Variants in ABCB7 observed in about 807,000 individuals in gnomAD.
The protein encoded by ABCB7 is ATP binding cassette subfamily B member 7.
A neutral mutation model predicts 54.4 loss-of-function variants in ABCB7; 7 were observed. The observed-to-expected ratio is 0.13, with a 90% CI of 0.07 to 0.24. ABCB7 has a LOEUF of 0.24. Ranked by LOEUF, ABCB7 falls within the 10% of genes least tolerant of loss-of-function variation. The probability of loss-of-function intolerance (pLI) is 1.00; values close to 1 mark genes in which losing one functional copy is unlikely to be tolerated. For synonymous variants in ABCB7, 218 were observed against 207.1 expected, an observed-to-expected ratio of 1.05 and a Z score of -0.45; for missense variants, 356 against 570.4, an observed-to-expected ratio of 0.62 and a Z score of 3.83.
At chrX:75,127,455 C>T (rs1042484629) in intron 1 of ABCB7, among the ~76,000 whole-genome samples, 1 of 111,910 alleles carries the variant, frequency 8.9e-6, no homozygotes, top group African/African-American at 3.2e-5. Context: ...CAATATCATA[C>T]TAAATGGGCA....
At chrX:75,095,621 T>C (rs1391143683) in intron 4 of ABCB7, among the ~76,000 whole-genome samples, 2 of 112,453 alleles carry the variant, frequency 1.8e-5, no homozygotes, top group Non-Finnish European at 3.8e-5. Flanking sequence ...AAAAGAAAAT[T>C]GTTTTCTATA....
chrX:75,094,050 A>ATATATATATATATATC (rs1314153062), intron 4 of ABCB7, among the ~76,000 whole-genome samples: 2 of 20,480 alleles, frequency 9.8e-5, no homozygotes, highest in African/African-American at 1.4e-4. Context: ...ATATATATAT[A>ATATATATATATATATC]TATCTATCTT....
intron 1 of ABCB7, among the ~76,000 whole-genome samples, chrX:75,137,642 A>G (rs2082019750): frequency 8.9e-6 from 1 of 112,581 alleles, no homozygotes; most frequent in Admixed American, 9.4e-5. Flanking sequence ...ATGCCCATCA[A>G]TGGTGGACTG....
chrX:75,146,897 A>G (rs2082094931), intron 1 of ABCB7, among the ~76,000 whole-genome samples: 1 of 99,608 alleles, frequency 1.0e-5, no homozygotes, highest in Non-Finnish European at 2.0e-5. Context: ...ATAGAATGGG[A>G]GAAAATTTTT....
At position 75,131,473 on chromosome X, in the gene ABCB7, A is replaced by G. The variant is rs190913600; in HGVS notation, c.169-16642T>C. Among the ~76,000 whole-genome samples the G allele has an allele frequency of 7.2e-5, 8 of 111,174 alleles. No homozygotes were observed. In the East Asian group the frequency reaches 2.3e-3, roughly 31 times the overall value. ...TGGCAGGGCAGTGGACGTATATATA[A>G]TTTTTTTAACTTCCCAAATTCTCAC... On this transcript the variant is annotated intron_variant, in intron 1 of 15. Coordinates refer to ENST00000373394, the MANE Select transcript of ABCB7 (RefSeq NM_001271696.3).
intron 3 of ABCB7, among the ~76,000 whole-genome samples, chrX:75,109,380 G>A (rs1244225615): frequency 1.8e-5 from 2 of 111,338 alleles, no homozygotes; most frequent in Admixed American, 9.5e-5. Context: ...TCTATTTCTC[G>A]CCAGGAAAGG....
Position 75,076,672 on chromosome X carries a change from T to C in ABCB7, c.454-18A>G. 8.4e-7 allele frequency: 1 copy of C among 1,196,064 alleles called. No homozygotes were observed. The highest frequency in any genetic ancestry group is 1.8e-5 in the South Asian group (1 of 56,438). ...TTCATGGCCTAAAAACATAAAAACA[T>C]CAATTACCCATTATACACAAAATAC... is the stretch of plus-strand genomic sequence containing the variant. On this transcript the variant is annotated intron_variant, in intron 4 of 15. Transcript: ENST00000373394.
chrX:75,090,096 A>T (rs1458296395), intron 4 of ABCB7, among the ~76,000 whole-genome samples: 1 of 110,761 alleles, frequency 9.0e-6, no homozygotes, highest in African/African-American at 3.3e-5. Context: ...AAAATATCAA[A>T]ATGCATGAGG....
At chrX:75,133,464 A>T (rs747691385) in intron 1 of ABCB7, among the ~76,000 whole-genome samples, 2 of 111,843 alleles carry the variant, frequency 1.8e-5, no homozygotes, top group African/African-American at 3.2e-5. Context: ...AAGTTCAGGA[A>T]ATTCTGCGAG....
At chrX:75,137,428 G>A (rs976988904) in intron 1 of ABCB7, among the ~76,000 whole-genome samples, 18 of 112,357 alleles carry the variant, frequency 1.6e-4, no homozygotes, top group African/African-American at 4.8e-4. Context: ...TATACAGTAG[G>A]TGGGAATGTA....
Position 75,102,978 on chromosome X carries a change from A to AT in ABCB7, c.334-3918dup, listed in dbSNP as rs747545043. Among the ~76,000 whole-genome samples, 10 of 109,777 alleles carry AT rather than the reference A, an allele frequency of 9.1e-5. No individual in the cohort carries two copies. In the East Asian group the frequency reaches 1.7e-3, roughly 19 times the overall value. On this transcript the variant is annotated intron_variant, in intron 3 of 15. Transcript: ENST00000373394. Reference sequence around the variant, plus strand: ...CTTTTGAGAAATGTCTTTTTAATTGATTTTTTTATTATTGAGTTGAATTCC... The same window carrying AT: ...CTTTTGAGAAATGTCTTTTTAATTGATTTTTTTTATTATTGAGTTGAATTCC...
chrX:75,121,515 C>G (rs1363332602), intron 1 of ABCB7, among the ~76,000 whole-genome samples: 2 of 110,996 alleles, frequency 1.8e-5, no homozygotes, highest in South Asian at 3.8e-4. Flanking sequence ...TTTAGACTGA[C>G]TGCTTGTTCC....
chrX:75,141,465 T>C (rs754983587), intron 1 of ABCB7, among the ~76,000 whole-genome samples: 2 of 111,236 alleles, frequency 1.8e-5, no homozygotes, highest in Non-Finnish European at 3.8e-5. Context: ...TAGACTGCTT[T>C]TTACACTGAA....
At chrX:75,112,275 G>C (rs2081767229) in intron 3 of ABCB7, among the ~76,000 whole-genome samples, 1 of 111,415 alleles carries the variant, frequency 9.0e-6, no homozygotes, top group Non-Finnish European at 1.9e-5. Flanking sequence ...TCAAGCCAGA[G>C]GAAGAAAATA....
At chrX:75,087,622 A>G (rs1253198245) in intron 4 of ABCB7, among the ~76,000 whole-genome samples, 2 of 111,720 alleles carry the variant, frequency 1.8e-5, no homozygotes, top group African/African-American at 3.3e-5. Flanking sequence ...TGAGAAAGTA[A>G]AGCAAGAGTT....
At chrX:75,069,753 CAT>C (rs2081349557) in intron 10 of ABCB7, among the ~76,000 whole-genome samples, 1 of 111,132 alleles carries the variant, frequency 9.0e-6, no homozygotes, top group Admixed American at 9.6e-5. Context: ...GAGAGGCAAT[CAT>C]ATATTCCATG....
At chrX:75,073,044 C>T (rs767791832) in intron 8 of ABCB7, among the ~76,000 whole-genome samples, 18 of 109,571 alleles carry the variant, frequency 1.6e-4, no homozygotes, top group African/African-American at 4.3e-4. Flanking sequence ...CTCCACATCT[C>T]GTTTTACTGG....
chrX:75,142,641 C>G (rs2082062119), intron 1 of ABCB7, among the ~76,000 whole-genome samples: 1 of 112,479 alleles, frequency 8.9e-6, no homozygotes, highest in Non-Finnish European at 1.9e-5. Flanking sequence ...ACCCACAAGA[C>G]TTCAATATTC....
intron 4 of ABCB7, among the ~76,000 whole-genome samples, chrX:75,094,691 C>T (rs1269160144): frequency 1.8e-5 from 2 of 110,868 alleles, no homozygotes; most frequent in African/African-American, 6.6e-5. Context: ...CCAGCCTGGG[C>T]AACAAGAGTG....
Sources: gnomAD v4.1 joint callset for allele counts (sites outside exome capture counted in the v4.1 genomes callset) on GRCh38, gnomAD v4.1.1 for gene constraint, MANE v1.5 for transcripts, NCBI Gene and HGNC (gene_info 2026-07-23, HGNC 2026-07-21) for gene names.